Variants in MSRA observed in about 807,000 individuals in gnomAD.
MSRA encodes the protein mitochondrial peptide methionine sulfoxide reductase.
Under a neutral mutation model 31.3 loss-of-function variants are expected in MSRA, and 54 were observed. That is an observed-to-expected ratio of 1.73 (90% CI 1.39 to 2.17). The LOEUF is 2.17. Among genes scored for constraint, MSRA ranks in the 30% most tolerant of loss-of-function variants. The probability of loss-of-function intolerance (pLI) is 0.00; values close to 1 mark genes in which losing one functional copy is unlikely to be tolerated. For synonymous variants in MSRA, 169 were observed against 116.5 expected, an observed-to-expected ratio of 1.45 and a Z score of -2.90; for missense variants, 507 against 300.9, an observed-to-expected ratio of 1.69 and a Z score of -5.07.
intron 1 of MSRA, among the ~76,000 whole-genome samples, chr8:10,179,768 G>T (rs1467058104): frequency 6.6e-6 from 1 of 152,196 alleles, no homozygotes; most frequent in African/African-American, 2.4e-5. Flanking sequence ...GTGGGTTGAG[G>T]TAAGATATTC....
chr8:10,367,168 G>A (rs757333861), intron 5 of MSRA, among the ~76,000 whole-genome samples: 7 of 152,246 alleles, frequency 4.6e-5, no homozygotes, highest in South Asian at 2.1e-4. Flanking sequence ...GTGGATCCAC[G>A]CTGTCTACAC....
At chr8:10,335,185 C>G (rs1585506385) in intron 5 of MSRA, among the ~76,000 whole-genome samples, 1 of 146,392 alleles carries the variant, frequency 6.8e-6, no homozygotes, top group Middle Eastern at 3.3e-3. Context: ...AGGTGAAGGA[C>G]AAAAGCAAGG....
intron 1 of MSRA, among the ~76,000 whole-genome samples, chr8:10,059,843 A>G (rs1020642285): frequency 6.6e-6 from 1 of 152,366 alleles, no homozygotes; most frequent in Middle Eastern, 3.4e-3. Flanking sequence ...GACCGTTTAC[A>G]GAAAAGTACA....
intron 4 of MSRA, among the ~76,000 whole-genome samples, chr8:10,303,970 C>T (rs936242123): frequency 1.3e-5 from 2 of 152,032 alleles, no homozygotes; most frequent in East Asian, 1.9e-4. Context: ...GAGTCTTAAT[C>T]CTTTGCTCAA....
At chr8:10,075,124 A>C (rs980034566) in intron 1 of MSRA, among the ~76,000 whole-genome samples, 1 of 152,186 alleles carries the variant, frequency 6.6e-6, no homozygotes, top group Non-Finnish European at 1.5e-5. Flanking sequence ...ATTTAAGTTT[A>C]TAATAGTGAT....
rs774636640 is a variant in MSRA at position 10,428,299 on chromosome 8, G to A, written c.695G>A (p.Gly232Asp). The change falls in exon 6 of 6, where the codon GGT becomes GAT. Residue 232 changes from glycine to aspartate, a missense_variant. Physicochemically the swap from Gly to Asp is moderately conservative, Grantham distance 94 (BLOSUM62 -1). Coordinates refer to ENST00000317173, the MANE Select transcript of MSRA (RefSeq NM_012331.5). ...GGCACCGGCGTGTCCTGCCCAGTGG[G>A]TATTAAAAAATAATTTCTCCCCACA... is the stretch of plus-strand genomic sequence containing the variant. The part of the protein sequence containing the change: ...LGGTGVSCPV[G>D]IKK The A allele has an allele frequency of 7.4e-6, 12 of 1,611,508 alleles. No individual in the cohort carries two copies. The highest frequency in any genetic ancestry group is 1.1e-5 in the South Asian group (1 of 90,348).
At chr8:10,186,063 G>A (rs1003384599) in intron 1 of MSRA, among the ~76,000 whole-genome samples, 2 of 152,140 alleles carry the variant, frequency 1.3e-5, no homozygotes, top group Admixed American at 6.5e-5. Context: ...GGAACAGCGT[G>A]CCTCTTACTG....
At chr8:10,335,095 C>T (rs954836383) in intron 5 of MSRA, among the ~76,000 whole-genome samples, 1 of 152,146 alleles carries the variant, frequency 6.6e-6, no homozygotes, top group Non-Finnish European at 1.5e-5. Flanking sequence ...GCAGGGACCG[C>T]CCCCCGCACC....
chr8:10,122,086 T>C (rs1801159567), intron 1 of MSRA, among the ~76,000 whole-genome samples: 1 of 152,064 alleles, frequency 6.6e-6, no homozygotes, highest in African/African-American at 2.4e-5. Flanking sequence ...GGGCACCACA[T>C]ATCTGTCCTG....
intron 1 of MSRA, among the ~76,000 whole-genome samples, chr8:10,194,838 G>C (rs1334376084): frequency 1.3e-5 from 2 of 152,190 alleles, no homozygotes; most frequent in Non-Finnish European, 2.9e-5. Context: ...CTCAGCCCTG[G>C]GAAGAGACTC....
chr8:10,121,388 C>T (rs921268641), intron 1 of MSRA, among the ~76,000 whole-genome samples: 3 of 152,184 alleles, frequency 2.0e-5, no homozygotes, highest in Admixed American at 2.0e-4. Context: ...TCATGGCCCC[C>T]ACCTACCTAA....
At chr8:10,105,976 G>A (rs988335936) in intron 1 of MSRA, among the ~76,000 whole-genome samples, 1 of 152,190 alleles carries the variant, frequency 6.6e-6, no homozygotes, top group Non-Finnish European at 1.5e-5. Flanking sequence ...CCATGTATAT[G>A]AAATTGCTTT....
At chr8:10,096,336 T>G in intron 1 of MSRA, 1 of 1,055,188 alleles carries the variant, frequency 9.5e-7, no homozygotes, top group Non-Finnish European at 1.1e-6. Context: ...TGGTCATTAT[T>G]TTTTTGTGTG....
chr8:10,154,480 C>A (rs1467154476), intron 1 of MSRA, among the ~76,000 whole-genome samples: 1 of 152,046 alleles, frequency 6.6e-6, no homozygotes, highest in African/African-American at 2.4e-5. Flanking sequence ...CAGGTTCATG[C>A]CATTCTCCTG....
chr8:10,328,415 G>A (rs1802503611), intron 5 of MSRA, among the ~76,000 whole-genome samples: 3 of 151,822 alleles, frequency 2.0e-5, no homozygotes, highest in East Asian at 1.9e-4. Context: ...CACTGTGCTC[G>A]CTTCTTTCAT....
intron 1 of MSRA, among the ~76,000 whole-genome samples, chr8:10,099,587 C>G (rs560390836): frequency 1.3e-5 from 2 of 152,276 alleles, no homozygotes; most frequent in Non-Finnish European, 2.9e-5. Context: ...GAGTGGCGAA[C>G]CAGAGTATTA....
intron 5 of MSRA, among the ~76,000 whole-genome samples, chr8:10,410,393 C>G (rs887517963): frequency 6.6e-6 from 1 of 152,342 alleles, no homozygotes; most frequent in African/African-American, 2.4e-5. Context: ...GACGCTCCTA[C>G]TTCTTTGGGC....
chr8:10,426,970 C>T (rs1809209962), intron 5 of MSRA, among the ~76,000 whole-genome samples: 1 of 1,684 alleles, frequency 5.9e-4, no homozygotes, highest in South Asian at 0.05. Context: ...CGTTCCGGAC[C>T]TGCTGGGCCT....
In MSRA at chr8:10,214,624, A is replaced by C. The variant is rs114836509; in HGVS notation, c.211+6723A>C. 2.6e-3 allele frequency among the ~76,000 whole-genome samples: 397 copies of C among 152,334 alleles called. 3 individuals carry two copies. Among genetic ancestry groups the C allele is most frequent in the African/African-American group, 9.0e-3 (373 of 41,570 alleles). The stretch of plus-strand genomic sequence containing the variant: ...GGGGCAGCCACTCATTCCAGGAAAA[A>C]GGCCAGAAAGAATGACATTGAAATG... On this transcript the variant is annotated intron_variant, in intron 2 of 5. Coordinates refer to ENST00000317173, the MANE Select transcript of MSRA (RefSeq NM_012331.5).
Sources: allele counts gnomAD v4.1 joint callset (sites outside exome capture counted in the v4.1 genomes callset), GRCh38; gene constraint gnomAD v4.1.1; transcripts MANE v1.5; gene names NCBI Gene and HGNC (gene_info 2026-07-23, HGNC 2026-07-21).